The following RNF103 variants were observed in gnomAD, a reference collection of about 807,000 sequenced individuals.
RNF103 encodes the protein E3 ubiquitin-protein ligase RNF103.
A neutral mutation model predicts 66.2 loss-of-function variants in RNF103; 23 were observed. That is an observed-to-expected ratio of 0.35 (90% CI 0.25 to 0.49). The LOEUF is 0.49. RNF103 is among the 20% of genes least tolerant of loss of function. The pLI is 0.98. For synonymous variants in RNF103, 297 were observed against 289.9 expected, an observed-to-expected ratio of 1.02 and a Z score of -0.25; for missense variants, 730 against 814.7, an observed-to-expected ratio of 0.90 and a Z score of 1.27.
In RNF103 at chr2:86,605,212, C is replaced by T; in HGVS notation, c.689G>A (p.Ser230Asn). 1 of 1,614,002 alleles carries T rather than the reference C, an allele frequency of 6.2e-7. No homozygotes were observed. The highest frequency in any genetic ancestry group is 8.5e-7 in the Non-Finnish European group (1 of 1,180,032). ...GTATATTTTTAACCAATACTGATCA[C>T]TTTTATTCCATTCTTCTTTCAAGTG... ...AEHLKEEWNK[S>N]DQYWLKIYLF... Residue 230 changes from serine (S) to asparagine (N), a missense_variant, in exon 4 of 4, where the codon AGT becomes AAT. Coordinates refer to ENST00000237455, the MANE Select transcript of RNF103 (RefSeq NM_005667.4).
In RNF103 at chr2:86,604,967, T is replaced by C. The variant is rs1406055171; in HGVS notation, c.934A>G (p.Met312Val). Reference protein sequence around the residue: ...HTGEFISLQAMDSFLRSLQPE... With the variant: ...HTGEFISLQAVDSFLRSLQPE... ...TGTAATGAGCGCAAAAATGAATCCA[T>C]GGCCTGAAGGGATATAAATTCGCCT... The change falls in exon 4 of 4, where the codon ATG becomes GTG. Residue 312 changes from methionine to valine, a missense_variant. Coordinates refer to ENST00000237455, the MANE Select transcript of RNF103 (RefSeq NM_005667.4). The C allele has an allele frequency of 6.2e-7, 1 of 1,614,020 alleles. No homozygotes were observed. Among genetic ancestry groups the C allele is most frequent in the African/African-American group, 1.3e-5 (1 of 74,924 alleles).
At chr2:86,619,057 C>T (rs1478012702) in intron 2 of RNF103, among the ~76,000 whole-genome samples, 1 of 152,172 alleles carries the variant, frequency 6.6e-6, no homozygotes, top group Non-Finnish European at 1.5e-5. Flanking sequence ...CAATGTAAAT[C>T]TCTGGAAGAA....
chr2:86,619,132 T>C (rs981744514), intron 2 of RNF103, among the ~76,000 whole-genome samples: 31 of 152,208 alleles, frequency 2.0e-4, no homozygotes, highest in Admixed American at 2.0e-3. Flanking sequence ...TAGATGTATA[T>C]GTATTTATTT....
At chr2:86,605,548 C>A (rs1678514778) in intron 3 of RNF103, 130 bp from the exon 4 acceptor site, 4 of 867,890 alleles carry the variant, frequency 4.6e-6, no homozygotes, top group Non-Finnish European at 6.7e-6. Context: ...GGTACCACTA[C>A]TTGGCAGCTG....
Position 86,622,957 on chromosome 2 carries a change from G to T in RNF103, c.-71C>A. 6.7e-7 allele frequency: 1 copy of T among 1,491,208 alleles called. No individual in the cohort carries two copies. 92.4% of individuals were successfully genotyped at this position (1,491,208 alleles called of 1,614,324 possible). On this transcript the variant is annotated 5_prime_UTR_variant, in exon 1 of 4. Transcript: ENST00000237455. The stretch of plus-strand genomic sequence containing the variant: ...GAGAGAAGGGTCGAGGGCGGGGGCC[G>T]CGGCTCGGTGGCAGCTTGGGCGAGG...
Position 86,604,011 on chromosome 2 carries a change from A to AT in RNF103, c.1889dup (p.Asn630LysfsTer39). 2 of 1,614,154 alleles carry AT rather than the reference A, an allele frequency of 1.2e-6. No individual in the cohort carries two copies. Among genetic ancestry groups the AT allele is most frequent in the Non-Finnish European group, 1.7e-6 (2 of 1,180,030 alleles). On this transcript the variant is annotated frameshift_variant, in exon 4 of 4. Coordinates refer to ENST00000237455, the MANE Select transcript of RNF103 (RefSeq NM_005667.4). LOFTEE classifies it high-confidence loss of function. ...AAGGCAACCCCATTAGCAAACATCC[A>AT]TTTTCAAAATTCTCTAGGCAAACAA...
At chr2:86,613,062 C>G (rs1230866109) in intron 2 of RNF103, 1 of 152,248 alleles carries the variant, frequency 6.6e-6, no homozygotes, top group Non-Finnish European at 1.5e-5. Flanking sequence ...GAGTTCAAGA[C>G]CAGCCTGGCC....
chr2:86,603,930 A>G lies in RNF103; in HGVS notation c.1971T>C (p.His657=), dbSNP rs775225683. The change falls in exon 4 of 4, where the codon CAT becomes CAC. Residue 657 remains histidine (H), a synonymous_variant. Transcript: ENST00000237455. Reference sequence around the variant, plus strand: ...AAGGCCACCGGCAAACAGGGCAACAATGTCGGCCCCCAGCCAACCACATCA... The same window carrying G: ...AAGGCCACCGGCAAACAGGGCAACAGTGTCGGCCCCCAGCCAACCACATCA... ...CIVMWLAGGR[H]CCPVCRWPSY... 1.2e-6 allele frequency: 2 copies of G among 1,614,082 alleles called. No individual in the cohort carries two copies. Among genetic ancestry groups the G allele is most frequent in the African/African-American group, 2.7e-5 (2 of 74,922 alleles).
chr2:86,606,732 T>G (rs1214204028), intron 3 of RNF103, among the ~76,000 whole-genome samples: 1 of 151,668 alleles, frequency 6.6e-6, no homozygotes, highest in Non-Finnish European at 1.5e-5. Flanking sequence ...AAAGAGACTG[T>G]AAGTGAAAAT....
Position 86,623,628 on chromosome 2 carries a change from G to A in RNF103, c.-742C>T, listed in dbSNP as rs1679328592. On this transcript the variant is annotated 5_prime_UTR_variant, in exon 1 of 4. Transcript: ENST00000237455. ...GCACTGCGGCCCGGCCCAGGATGGG[G>A]CGTCGCGGTCTCTGCAGATGGAATC... The A allele has an allele frequency of 2.7e-6, 3 of 1,096,488 alleles. No homozygotes were observed. Among genetic ancestry groups the A allele is most frequent in the South Asian group, 3.9e-5 (2 of 51,766 alleles). The allele number at this position is 1,096,488 out of a possible 1,614,324, so 67.9% of individuals were successfully genotyped here.
At position 86,604,528 on chromosome 2, in the gene RNF103, A is replaced by G; in HGVS notation, c.1373T>C (p.Leu458Pro). The G allele has an allele frequency of 6.2e-7, 1 of 1,614,246 alleles. No individual in the cohort carries two copies. Among genetic ancestry groups the G allele is most frequent in the Non-Finnish European group, 8.5e-7 (1 of 1,180,048 alleles). ...GAGGTAGCTGGTGTACCAGTCCCAC[A>G]GACTTGATAACCATTCTAAGTTATT... ...NANNLEWLSS[L>P]WDWYTSYLFH... Residue 458 changes from leucine (L) to proline (P), a missense_variant, in exon 4 of 4, where the codon CTG (leucine) becomes CCG (proline). Physicochemically the swap from Leu to Pro is moderately conservative, Grantham distance 98 (BLOSUM62 -3). Transcript: ENST00000237455.
At chr2:86,614,505 A>C (rs1035171835) in intron 2 of RNF103, 1 of 153,120 alleles carries the variant, frequency 6.5e-6, no homozygotes, top group African/African-American at 2.4e-5. Flanking sequence ...TGGGAGGCTG[A>C]GGCAGCAGAA....
In RNF103 at chr2:86,603,517, A is replaced by C. The variant is rs1678423200; in HGVS notation, c.*326T>G. Reference sequence around the variant, plus strand: ...AAAAAGGGAGGAAACATTTAGGATAAGAAACCGGCTCAATTCCATTAGAAT... The same window carrying C: ...AAAAAGGGAGGAAACATTTAGGATACGAAACCGGCTCAATTCCATTAGAAT... On this transcript the variant is annotated 3_prime_UTR_variant, in exon 4 of 4. Coordinates refer to ENST00000237455, the MANE Select transcript of RNF103 (RefSeq NM_005667.4). The C allele has an allele frequency of 3.8e-6, 1 of 263,772 alleles. No individual in the cohort carries two copies. The highest frequency in any genetic ancestry group is 7.1e-6 in the Non-Finnish European group (1 of 140,000). The allele number at this position is 263,772 out of a possible 1,614,324, so 16.3% of individuals were successfully genotyped here.
chr2:86,605,482 C>T (rs1215507564), intron 3 of RNF103, 64 bp from the exon 4 acceptor site: 1 of 1,496,654 alleles, frequency 6.7e-7, no homozygotes, highest in Non-Finnish European at 8.9e-7. Flanking sequence ...TCTTCCCTGA[C>T]AAATTTCTTT....
intron 3 of RNF103, among the ~76,000 whole-genome samples, chr2:86,609,855 G>GT (rs1678723207): frequency 6.6e-6 from 1 of 152,054 alleles, no homozygotes; most frequent in Non-Finnish European, 1.5e-5. Context: ...CAGAGTTTTG[G>GT]TATTTTTAAA....
Position 86,604,272 on chromosome 2 carries a change from G to C in RNF103, c.1629C>G (p.Asn543Lys). ...QDTENDSESENTDTLSSEKEV... is the reference protein window; with the variant it reads ...QDTENDSESEKTDTLSSEKEV... ...CCTTCTCACTACTCAAAGTGTCTGTGTTCTCACTTTCCGAGTCATTTTCAG... is the reference window on the plus strand; with the variant it reads ...CCTTCTCACTACTCAAAGTGTCTGTCTTCTCACTTTCCGAGTCATTTTCAG... Residue 543 changes from asparagine (N) to lysine (K), a missense_variant, in exon 4 of 4, where the codon AAC becomes AAG. By Grantham distance (94) the Asn-to-Lys change is moderately conservative. Coordinates refer to ENST00000237455, the MANE Select transcript of RNF103 (RefSeq NM_005667.4). 1 of 1,614,162 alleles carries C rather than the reference G, an allele frequency of 6.2e-7. No homozygotes were observed. The highest frequency in any genetic ancestry group is 8.5e-7 in the Non-Finnish European group (1 of 1,180,014).
Position 86,604,147 on chromosome 2 carries a change from G to A in RNF103, c.1754C>T (p.Thr585Ile), listed in dbSNP as rs1348341996. ...ACSCANKYCQ[T>I]SPCERKGRSY... The stretch of plus-strand genomic sequence containing the variant: ...CCTCCCCTTCCTTTCACATGGGCTG[G>A]TCTGACAATATTTATTGGCACATGA... Residue 585 changes from threonine (T) to isoleucine (I), a missense_variant, in exon 4 of 4, where the codon ACC (threonine) becomes ATC (isoleucine). This residue lies in a region of RNF103 where 355 missense variants were observed against 351.9 expected (regional missense o/e 1.01). Coordinates refer to ENST00000237455, the MANE Select transcript of RNF103 (RefSeq NM_005667.4). 2 of 1,613,274 alleles carry A rather than the reference G, an allele frequency of 1.2e-6. No individual in the cohort carries two copies. The highest frequency in any genetic ancestry group is 3.3e-5 in the Admixed American group (2 of 60,012).
At chr2:86,609,098 G>A (rs1381715113) in intron 3 of RNF103, among the ~76,000 whole-genome samples, 5 of 152,118 alleles carry the variant, frequency 3.3e-5, no homozygotes, top group African/African-American at 4.8e-5. Flanking sequence ...TCATGGAGGT[G>A]GATCCCTCAT....
intron 2 of RNF103, 93 bp downstream of exon 2, chr2:86,620,237 G>A (rs1371885830): frequency 7.3e-7 from 1 of 1,371,260 alleles, no homozygotes; most frequent in Non-Finnish European, 9.6e-7. Context: ...AAGACACAAG[G>A]ACACGGAAGT....
Sources: allele counts gnomAD v4.1 joint callset (sites outside exome capture counted in the v4.1 genomes callset), GRCh38; gene constraint gnomAD v4.1.1; regional missense constraint gnomAD v4.1.1; transcripts MANE v1.5; gene names NCBI Gene and HGNC (gene_info 2026-07-23, HGNC 2026-07-21).